The following ZNF609 variants were observed in gnomAD, a reference collection of about 807,000 sequenced individuals.
ZNF609 encodes zinc finger protein 609.
Under a neutral mutation model 109.5 loss-of-function variants are expected in ZNF609, and 11 were observed. That is an observed-to-expected ratio of 0.10 (90% CI 0.06 to 0.17). The LOEUF is 0.17. Ranked by LOEUF, ZNF609 falls within the 10% of genes least tolerant of loss-of-function variation. The pLI is 1.00. For missense variants in ZNF609, 1,559 were observed against 1,772.4 expected, an observed-to-expected ratio of 0.88 and a Z score of 2.16; for synonymous variants, 646 against 662.0, an observed-to-expected ratio of 0.98 and a Z score of 0.37.
intron 2 of ZNF609, among the ~76,000 whole-genome samples, chr15:64,606,293 C>T (rs556257947): frequency 1.3e-4 from 19 of 150,986 alleles, no homozygotes; most frequent in African/African-American, 3.9e-4. Flanking sequence ...TTCTGTAGGC[C>T]GGGCGCGGTG....
chr15:64,647,565 G>A (rs879941173), intron 3 of ZNF609, among the ~76,000 whole-genome samples: 13 of 151,042 alleles, frequency 8.6e-5, no homozygotes, highest in Non-Finnish European at 1.5e-4. Context: ...TATATATTTC[G>A]TAATCTTCTT....
chr15:64,521,397 G>A (rs991990861), intron 2 of ZNF609, among the ~76,000 whole-genome samples: 8 of 152,208 alleles, frequency 5.3e-5, no homozygotes, highest in Non-Finnish European at 7.3e-5. Context: ...GCTGGATATG[G>A]AGTAGGGAGG....
At chr15:64,475,416 C>T (rs1203828330) in intron 1 of ZNF609, among the ~76,000 whole-genome samples, 5 of 102,230 alleles carry the variant, frequency 4.9e-5, no homozygotes, top group African/African-American at 1.1e-4. Flanking sequence ...TTTTTTGAGA[C>T]GGAGTCTTAC....
chr15:64,674,022 T>C lies in ZNF609; in HGVS notation c.1168T>C (p.Ser390Pro). Residue 390 changes from serine (S) to proline (P), a missense_variant, in exon 5 of 10, where the codon TCT becomes CCT. Around this residue, in one of 4 missense-constraint regions of ZNF609, gnomAD observed 1,204 missense variants for 1,314.1 expected, o/e 0.92. Coordinates refer to ENST00000326648, the MANE Select transcript of ZNF609 (RefSeq NM_015042.2). ...NTPVNETATA[S>P]DSKGTSNSSK... Reference sequence around the variant, plus strand: ...ACCTGTCAATGAGACAGCCACAGCCTCTGACAGCAAAGGGACCAGTAACAG... The same window carrying C: ...ACCTGTCAATGAGACAGCCACAGCCCCTGACAGCAAAGGGACCAGTAACAG... 1.9e-6 allele frequency: 3 copies of C among 1,614,064 alleles called. No homozygotes were observed. Among genetic ancestry groups the C allele is most frequent in the Non-Finnish European group, 2.5e-6 (3 of 1,180,010 alleles).
intron 1 of ZNF609, among the ~76,000 whole-genome samples, chr15:64,473,191 CTTTT>C (rs951319279): frequency 2.6e-5 from 2 of 76,070 alleles, no homozygotes; most frequent in African/African-American, 1.3e-4. Context: ...ATATTTGGTT[CTTTT>C]TTTTTTTTTT....
At chr15:64,542,620 T>A (rs1894283829) in intron 2 of ZNF609, among the ~76,000 whole-genome samples, 1 of 152,238 alleles carries the variant, frequency 6.6e-6, no homozygotes, top group African/African-American at 2.4e-5. Flanking sequence ...ATATTCCGTA[T>A]CTTGCTGATG....
Position 64,683,713 on chromosome 15 carries a change from T to TG in ZNF609, c.*2031dup, listed in dbSNP as rs2083224985. On this transcript the variant is annotated 3_prime_UTR_variant, in exon 10 of 10. Transcript: ENST00000326648. The stretch of plus-strand genomic sequence containing the variant: ...GAATTTCAGCCTGATTATGCCCTCC[T>TG]GGGGCTCCTGTGAGGTGGAGCCAAG... 1 of 152,372 alleles carries TG rather than the reference T, an allele frequency of 6.6e-6. No homozygotes were observed. Among genetic ancestry groups the TG allele is most frequent in the African/African-American group, 2.4e-5 (1 of 41,584 alleles). The allele number at this position is 152,372 out of a possible 1,614,324, so 9.4% of individuals were successfully genotyped here. A position where few individuals can be genotyped will look rare whatever the true frequency, so the allele number is the denominator to read the frequency against.
intron 6 of ZNF609, 118 bp downstream of exon 6, chr15:64,678,600 G>T: frequency 1.4e-6 from 2 of 1,418,858 alleles, no homozygotes; most frequent in Non-Finnish European, 1.9e-6. Context: ...TTAGATGACG[G>T]ACCTTTTTTC....
At chr15:64,664,230 A>AAAT (rs1167676687) in intron 3 of ZNF609, among the ~76,000 whole-genome samples, 4 of 151,840 alleles carry the variant, frequency 2.6e-5, no homozygotes, top group African/African-American at 4.8e-5. Flanking sequence ...TCTGTCTCAA[A>AAAT]AATAATAATA....
intron 2 of ZNF609, among the ~76,000 whole-genome samples, chr15:64,565,052 T>C (rs1894754145): frequency 1.3e-5 from 2 of 148,320 alleles, no homozygotes; most frequent in African/African-American, 4.9e-5. Context: ...GTTTTCTTTT[T>C]TTTTCTTTTT....
intron 2 of ZNF609, among the ~76,000 whole-genome samples, chr15:64,562,531 C>A (rs543302375): frequency 6.6e-6 from 1 of 152,110 alleles, no homozygotes; most frequent in Non-Finnish European, 1.5e-5. Flanking sequence ...ACACCCACAC[C>A]GGGCTCAATT....
intron 2 of ZNF609, among the ~76,000 whole-genome samples, chr15:64,565,047 CTTTTTTTTTCTTT>C (rs933593611): frequency 4.3e-5 from 6 of 139,154 alleles, no homozygotes; most frequent in Admixed American, 3.6e-4. Context: ...ACGGGGTTTT[CTTTTTTTTTCTTT>C]TTTTTTTTTT....
intron 2 of ZNF609, among the ~76,000 whole-genome samples, chr15:64,598,499 T>C (rs1163649775): frequency 6.6e-6 from 1 of 151,934 alleles, no homozygotes; most frequent in Non-Finnish European, 1.5e-5. Context: ...AATTTTTTAA[T>C]TTTCTAACAC....
intron 2 of ZNF609, among the ~76,000 whole-genome samples, chr15:64,615,879 T>G (rs1046161162): frequency 3.3e-5 from 5 of 152,246 alleles, no homozygotes; most frequent in Admixed American, 2.6e-4. Context: ...TTTTTATTTT[T>G]GGATAAAACA....
chr15:64,632,796 A>G (rs998418227), intron 3 of ZNF609, among the ~76,000 whole-genome samples: 14 of 151,342 alleles, frequency 9.3e-5, no homozygotes, highest in African/African-American at 3.2e-4. Context: ...TTTTTTTCAG[A>G]TAGAGTCTTG....
chr15:64,556,500 T>C (rs1016695703), intron 2 of ZNF609, among the ~76,000 whole-genome samples: 2 of 152,142 alleles, frequency 1.3e-5, no homozygotes, highest in Admixed American at 1.3e-4. Context: ...TATTTAACCC[T>C]CATGACAATC....
intron 4 of ZNF609, 97 bp downstream of exon 4, chr15:64,670,530 T>C (rs2141011491): frequency 9.8e-7 from 1 of 1,023,550 alleles, no homozygotes; most frequent in East Asian, 2.4e-5. Context: ...ATCCAGCTTT[T>C]AAAGGACATG....
chr15:64,613,562 A>T (rs1432518388), intron 2 of ZNF609, among the ~76,000 whole-genome samples: 1 of 151,942 alleles, frequency 6.6e-6, no homozygotes, highest in African/African-American at 2.4e-5. Flanking sequence ...TTATTTATTT[A>T]TTTTTTGAGA....
At chr15:64,460,042 C>T (rs760485216), upstream of ZNF609, among the ~76,000 whole-genome samples, 1 of 151,940 alleles carries the variant, frequency 6.6e-6, no homozygotes. Context: ...AAGTGGTAAT[C>T]CTAAAAGAGA....
Sources: gnomAD v4.1 joint callset for allele counts (sites outside exome capture counted in the v4.1 genomes callset) on GRCh38, gnomAD v4.1.1 for gene constraint, gnomAD v4.1.1 regional missense constraint, MANE v1.5 for transcripts, NCBI Gene and HGNC (gene_info 2026-07-23, HGNC 2026-07-21) for gene names.